Variants in SUCLG2 observed in about 807,000 individuals in gnomAD.
SUCLG2 encodes the protein succinate-CoA ligase GDP-forming subunit beta.
A neutral mutation model predicts 47.9 loss-of-function variants in SUCLG2; 42 were observed. That is an observed-to-expected ratio of 0.88 (90% CI 0.69 to 1.14). The LOEUF is 1.14. SUCLG2 is among the 50% of genes most tolerant of loss of function. The pLI, the probability that SUCLG2 is intolerant of heterozygous loss-of-function variation, is 0.00. For missense variants in SUCLG2, 571 were observed against 525.9 expected (o/e 1.09, Z -0.84); for synonymous variants, 195 against 197.3 (o/e 0.99, Z 0.10).
intron 9 of SUCLG2, among the ~76,000 whole-genome samples, chr3:67,449,879 A>T (rs1337524131): frequency 6.6e-6 from 1 of 152,080 alleles, no homozygotes; most frequent in Non-Finnish European, 1.5e-5. Context: ...TCCAAAAGTG[A>T]TGGGATTACA....
intron 10 of SUCLG2, among the ~76,000 whole-genome samples, chr3:67,395,848 G>A (rs1179488983): frequency 1.3e-5 from 2 of 152,072 alleles, no homozygotes; most frequent in South Asian, 2.1e-4. Context: ...AATCAAACTA[G>A]AACTCAGGAT....
intron 3 of SUCLG2, among the ~76,000 whole-genome samples, chr3:67,528,574 G>A (rs1706315862): frequency 6.6e-6 from 1 of 152,200 alleles, no homozygotes; most frequent in South Asian, 2.1e-4. Context: ...TGAACAATGA[G>A]AGGGAAAGGA....
At chr3:67,546,367 T>C (rs976365481) in intron 2 of SUCLG2, among the ~76,000 whole-genome samples, 1 of 152,158 alleles carries the variant, frequency 6.6e-6, no homozygotes, top group Non-Finnish European at 1.5e-5. Context: ...CAAGTCCTGT[T>C]TCATATGAAC....
chr3:67,654,124 G>C (rs1701338310), intron 1 of SUCLG2, among the ~76,000 whole-genome samples: 1 of 152,254 alleles, frequency 6.6e-6, no homozygotes. Context: ...AGTGCCAGAA[G>C]TTTGAAAAGC....
At chr3:67,391,088 G>A (rs1191690494) in intron 10 of SUCLG2, among the ~76,000 whole-genome samples, 1 of 152,100 alleles carries the variant, frequency 6.6e-6, no homozygotes, top group African/African-American at 2.4e-5. Flanking sequence ...ATACCAAAAG[G>A]TTTGTTTCAG....
chr3:67,502,623 T>C (rs901804700), intron 7 of SUCLG2, among the ~76,000 whole-genome samples: 1 of 152,202 alleles, frequency 6.6e-6, no homozygotes, highest in African/African-American at 2.4e-5. Context: ...ATGCACATGC[T>C]TTTTTATACT....
intron 10 of SUCLG2, among the ~76,000 whole-genome samples, chr3:67,389,660 T>C (rs914864226): frequency 1.3e-5 from 2 of 152,202 alleles, no homozygotes; most frequent in Non-Finnish European, 2.9e-5. Flanking sequence ...CTACATTTAG[T>C]TGTAGTTTAT....
intron 2 of SUCLG2, among the ~76,000 whole-genome samples, chr3:67,581,522 T>C (rs1707877407): frequency 6.6e-6 from 1 of 152,230 alleles, no homozygotes; most frequent in Non-Finnish European, 1.5e-5. Context: ...ATTCTTTGCT[T>C]TAATTCAATC....
At chr3:67,410,546 A>G (rs1469427207) in intron 9 of SUCLG2, among the ~76,000 whole-genome samples, 1 of 152,212 alleles carries the variant, frequency 6.6e-6, no homozygotes, top group African/African-American at 2.4e-5. Flanking sequence ...TGAGAATCAG[A>G]ACCACTGCCA....
In SUCLG2 at chr3:67,445,969, G is replaced by C. The variant is rs1292740418; in HGVS notation, c.1063-45118C>G. ...AATATGTTTATTCAACCTTGAGGAG[G>C]TTGGGATGATGCCTAAGAGAAGAAC... is the stretch of plus-strand genomic sequence containing the variant. On this transcript the variant is annotated intron_variant, in intron 9 of 10. Coordinates refer to ENST00000307227, the MANE Select transcript of SUCLG2 (RefSeq NM_003848.4). Among the ~76,000 whole-genome samples the C allele has an allele frequency of 3.9e-5, 3 of 76,726 alleles. 1 individual carries two copies. Among genetic ancestry groups the C allele is most frequent in the African/African-American group, 1.4e-4 (3 of 21,788 alleles). The allele number at this position is 76,726 out of a possible 152,430, so 50.3% of individuals were successfully genotyped here.
chr3:67,451,451 A>T (rs1346974070), intron 9 of SUCLG2, among the ~76,000 whole-genome samples: 4 of 152,242 alleles, frequency 2.6e-5, no homozygotes, highest in African/African-American at 9.6e-5. Flanking sequence ...GAAAAGAGTG[A>T]CAAAACAAAA....
chr3:67,382,346 C>T (rs1417001035), intron 10 of SUCLG2, among the ~76,000 whole-genome samples: 1 of 152,186 alleles, frequency 6.6e-6, no homozygotes, highest in Non-Finnish European at 1.5e-5. Flanking sequence ...CCCAGGTTCA[C>T]CTGAGGGTAA....
At chr3:67,625,166 A>C (rs1700804473) in intron 1 of SUCLG2, among the ~76,000 whole-genome samples, 1 of 152,254 alleles carries the variant, frequency 6.6e-6, no homozygotes, top group Non-Finnish European at 1.5e-5. Context: ...ATGAGGCAGA[A>C]AGGATCAAAG....
intron 2 of SUCLG2, among the ~76,000 whole-genome samples, chr3:67,605,748 T>A (rs1700400276): frequency 6.6e-6 from 1 of 152,110 alleles, no homozygotes; most frequent in African/African-American, 2.4e-5. Flanking sequence ...ATTTTGTCAA[T>A]CCTTTTATCA....
At chr3:67,367,847 TAC>T (rs1701896085) in intron 10 of SUCLG2, among the ~76,000 whole-genome samples, 2 of 152,208 alleles carry the variant, frequency 1.3e-5, no homozygotes, top group African/African-American at 4.8e-5. Context: ...TCTCTATCTA[TAC>T]AGATATGTAT....
intron 9 of SUCLG2, among the ~76,000 whole-genome samples, chr3:67,420,670 T>C (rs1358721868): frequency 6.6e-6 from 1 of 152,314 alleles, no homozygotes; most frequent in Non-Finnish European, 1.5e-5. Flanking sequence ...TACAGACACA[T>C]GTAGGAGTCC....
intron 1 of SUCLG2, among the ~76,000 whole-genome samples, chr3:67,637,367 A>G (rs1452494354): frequency 6.6e-6 from 1 of 152,218 alleles, no homozygotes; most frequent in East Asian, 1.9e-4. Context: ...TCAATAAAAA[A>G]TTAATAACCA....
chr3:67,373,065 C>T (rs541688215), downstream of SUCLG2, among the ~76,000 whole-genome samples: 19 of 152,120 alleles, frequency 1.2e-4, no homozygotes, highest in Non-Finnish European at 2.4e-4. Context: ...AAGAACATAT[C>T]CTTTTCACTT....
intron 1 of SUCLG2, among the ~76,000 whole-genome samples, chr3:67,633,102 AG>A (rs1700954086): frequency 6.6e-6 from 1 of 152,212 alleles, no homozygotes; most frequent in Non-Finnish European, 1.5e-5. Flanking sequence ...AGGAGGATGA[AG>A]GTACAGGTAG....
Sources: allele counts gnomAD v4.1 joint callset (sites outside exome capture counted in the v4.1 genomes callset), GRCh38; gene constraint gnomAD v4.1.1; transcripts MANE v1.5; gene names NCBI Gene and HGNC (gene_info 2026-07-23, HGNC 2026-07-21).